Variants in LRRTM4 observed in about 807,000 individuals in gnomAD.
LRRTM4 encodes leucine rich repeat transmembrane neuronal 4.
LRRTM4 carries 25 observed loss-of-function variants against 47.6 expected under a neutral mutation model. The observed-to-expected ratio is 0.53, with a 90% CI of 0.38 to 0.73. The LOEUF (loss-of-function observed/expected upper bound fraction) is 0.73. Among genes scored for constraint, LRRTM4 ranks in the 30% least tolerant of loss-of-function variants. LRRTM4 has a pLI of 0.00. For missense variants in LRRTM4, 638 were observed against 713.4 expected, an observed-to-expected ratio of 0.89 and a Z score of 1.20; for synonymous variants, 311 against 269.5, an observed-to-expected ratio of 1.15 and a Z score of -1.51.
intron 3 of LRRTM4, among the ~76,000 whole-genome samples, chr2:76,958,999 G>C (rs190443714): frequency 6.6e-6 from 1 of 151,602 alleles, no homozygotes. Flanking sequence ...GCAGCCACAC[G>C]GTCATTGTTT....
chr2:77,106,873 G>A (rs776860190), intron 3 of LRRTM4, among the ~76,000 whole-genome samples: 1 of 151,902 alleles, frequency 6.6e-6, no homozygotes, highest in African/African-American at 2.4e-5. Flanking sequence ...ACTAAATCCA[G>A]TGATGTTGGT....
intron 3 of LRRTM4, among the ~76,000 whole-genome samples, chr2:77,486,612 T>A (rs1677920244): frequency 6.6e-6 from 1 of 152,188 alleles, no homozygotes; most frequent in African/African-American, 2.4e-5. Flanking sequence ...ACACAGGACA[T>A]ACCAGTTATA....
At chr2:77,319,035 T>C (rs530387663) in intron 3 of LRRTM4, among the ~76,000 whole-genome samples, 7 of 152,210 alleles carry the variant, frequency 4.6e-5, no homozygotes, top group Admixed American at 1.3e-4. Context: ...TTAACAGGAT[T>C]ACTCAAGGGC....
intron 3 of LRRTM4, among the ~76,000 whole-genome samples, chr2:76,991,324 A>C (rs1677001612): frequency 1.3e-5 from 2 of 151,864 alleles, no homozygotes; most frequent in South Asian, 4.1e-4. Context: ...ATTGAGACTC[A>C]AAAATTCATA....
intron 3 of LRRTM4, among the ~76,000 whole-genome samples, chr2:77,269,094 A>C (rs1043115327): frequency 6.6e-6 from 1 of 152,110 alleles, no homozygotes; most frequent in East Asian, 1.9e-4. Context: ...AAAATTTTCT[A>C]GATCTCAGCT....
At chr2:77,507,299 T>A (rs1242654722) in intron 3 of LRRTM4, among the ~76,000 whole-genome samples, 1 of 152,138 alleles carries the variant, frequency 6.6e-6, no homozygotes, top group East Asian at 1.9e-4. Context: ...TTATGTAATC[T>A]GTTTCAATAA....
At chr2:77,298,483 C>T (rs1045705212) in intron 3 of LRRTM4, among the ~76,000 whole-genome samples, 1 of 152,136 alleles carries the variant, frequency 6.6e-6, no homozygotes, top group Non-Finnish European at 1.5e-5. Flanking sequence ...ATGATCCGCC[C>T]GCCTCGGCCT....
chr2:77,092,337 A>G (rs1353934570), intron 3 of LRRTM4, among the ~76,000 whole-genome samples: 3 of 150,682 alleles, frequency 2.0e-5, no homozygotes, highest in Non-Finnish European at 4.4e-5. Context: ...CCTGTTCCTC[A>G]CCCTGATCAC....
chr2:76,888,130 GTA>G (rs1253245759), intron 3 of LRRTM4, among the ~76,000 whole-genome samples: 1 of 150,448 alleles, frequency 6.6e-6, no homozygotes, highest in Non-Finnish European at 1.5e-5. Flanking sequence ...ATATGTGTGT[GTA>G]TATATGTATT....
intron 3 of LRRTM4, among the ~76,000 whole-genome samples, chr2:76,859,914 G>A (rs1672262265): frequency 1.3e-5 from 2 of 152,108 alleles, no homozygotes; most frequent in Non-Finnish European, 2.9e-5. Flanking sequence ...ACCAGATGAA[G>A]TTGTTTAGTT....
chr2:77,183,679 G>C (rs1468580218), intron 3 of LRRTM4, among the ~76,000 whole-genome samples: 1 of 152,016 alleles, frequency 6.6e-6, no homozygotes, highest in Non-Finnish European at 1.5e-5. Flanking sequence ...TTGGAACCAA[G>C]CCAAATATCC....
chr2:77,139,195 C>A (rs578123184), intron 3 of LRRTM4, among the ~76,000 whole-genome samples: 12 of 152,218 alleles, frequency 7.9e-5, no homozygotes, highest in African/African-American at 2.9e-4. Context: ...AGACCAATAT[C>A]CCTGATGAAC....
chr2:77,000,691 A>T (rs1677387998), intron 3 of LRRTM4, among the ~76,000 whole-genome samples: 2 of 152,132 alleles, frequency 1.3e-5, no homozygotes, highest in South Asian at 4.1e-4. Context: ...TGTTCTGGAA[A>T]CTTATAGAAC....
intron 3 of LRRTM4, among the ~76,000 whole-genome samples, chr2:77,503,814 A>G (rs868472432): frequency 1.3e-5 from 2 of 151,718 alleles, no homozygotes; most frequent in Non-Finnish European, 3.0e-5. Context: ...TTAAAGAAAG[A>G]AAAAAGGCCG....
chr2:76,911,656 G>A (rs1032377538), intron 3 of LRRTM4, among the ~76,000 whole-genome samples: 3 of 152,042 alleles, frequency 2.0e-5, no homozygotes, highest in African/African-American at 4.8e-5. Flanking sequence ...AGAGAGAGAA[G>A]AGGTAAAGAG....
chr2:76,847,857 A>G (rs2103960962), intron 3 of LRRTM4, among the ~76,000 whole-genome samples: 1 of 152,278 alleles, frequency 6.6e-6, no homozygotes, highest in East Asian at 1.9e-4. Flanking sequence ...TAAGAAAGTG[A>G]CATGCTAAAT....
chr2:77,234,178 A>G (rs949524903), intron 3 of LRRTM4, among the ~76,000 whole-genome samples: 4 of 152,212 alleles, frequency 2.6e-5, no homozygotes, highest in East Asian at 3.9e-4. Context: ...CATCTATTGA[A>G]TTGGGTTATG....
intron 3 of LRRTM4, among the ~76,000 whole-genome samples, chr2:77,164,624 C>A (rs1672828145): frequency 6.6e-6 from 1 of 152,194 alleles, no homozygotes; most frequent in South Asian, 2.1e-4. Flanking sequence ...TCTCAGACCA[C>A]AGTGCAATCA....
intron 3 of LRRTM4, among the ~76,000 whole-genome samples, chr2:77,224,658 T>C (rs59485923): frequency 6.6e-6 from 1 of 152,016 alleles, no homozygotes; most frequent in African/African-American, 2.4e-5. Context: ...AAAACCACAA[T>C]GAGATACCAT....
Sources: allele counts gnomAD v4.1 joint callset (sites outside exome capture counted in the v4.1 genomes callset), GRCh38; gene constraint gnomAD v4.1.1; transcripts MANE v1.5; gene names NCBI Gene and HGNC (gene_info 2026-07-23, HGNC 2026-07-21).